Variants in KIAA1614 observed in about 807,000 individuals in gnomAD.
KIAA1614 encodes the protein uncharacterized protein KIAA1614.
KIAA1614 carries 76 observed loss-of-function variants against 88.7 expected under a neutral mutation model. The ratio of observed to expected loss-of-function variants is 0.86; its 90% confidence interval spans 0.71 to 1.04. The LOEUF (loss-of-function observed/expected upper bound fraction) is 1.04. Among genes scored for constraint, KIAA1614 ranks in the 50% least tolerant of loss-of-function variants. The pLI is 0.00. For synonymous variants in KIAA1614, 714 were observed against 675.5 expected (o/e 1.06, Z -0.88); for missense variants, 1,553 against 1,582.5 (o/e 0.98, Z 0.32).
At chr1:180,925,622 G>T (rs1320021129) in intron 3 of KIAA1614, among the ~76,000 whole-genome samples, 1 of 152,248 alleles carries the variant, frequency 6.6e-6, no homozygotes, top group Non-Finnish European at 1.5e-5. Flanking sequence ...CCAGCTGGCT[G>T]GAGGGAGAGC....
chr1:180,935,568 G>A lies in KIAA1614; in HGVS notation c.1659G>A (p.Ala553=). Residue 553 remains alanine (A), a synonymous_variant, in exon 5 of 9, where the codon GCG becomes GCA. Coordinates refer to ENST00000367588, the MANE Select transcript of KIAA1614 (RefSeq NM_020950.2). This position sits in a 1 kb window ranked among gnomAD's most constrained non-coding sequence, Gnocchi z 6.1. ...ACCCGCGCCCCGCCCAGGGGAAGGC[G>A]CCCCCCGTCCCCAGGACCCTCCAGG... is the stretch of plus-strand genomic sequence containing the variant. ...IDDPRPAQGK[A]PPVPRTLQEL... 1.9e-6 allele frequency: 3 copies of A among 1,602,730 alleles called. No individual in the cohort carries two copies. The highest frequency in any genetic ancestry group is 2.6e-6 in the Non-Finnish European group (3 of 1,174,834).
chr1:180,945,733 T>C lies in KIAA1614; in HGVS notation c.*145T>C. The C allele has an allele frequency of 7.2e-7, 1 of 1,389,280 alleles. No homozygotes were observed. The highest frequency in any genetic ancestry group is 9.2e-7 in the Non-Finnish European group (1 of 1,082,614). 86.1% of individuals were successfully genotyped at this position (1,389,280 alleles called of 1,614,324 possible). ...TAGGCAACTGCAGCTGAGAGTGCGT[T>C]GGTGGGGAGTGTGCGGGAGGGGGTA... is the stretch of plus-strand genomic sequence containing the variant. On this transcript the variant is annotated 3_prime_UTR_variant, in exon 9 of 9. Transcript: ENST00000367588.
At chr1:180,936,731 C>A in intron 5 of KIAA1614, 61 bp downstream of exon 5, 1 of 1,167,346 alleles carries the variant, frequency 8.6e-7, no homozygotes, top group South Asian at 1.6e-5. Flanking sequence ...CAGCAGACGC[C>A]CAGACCCAAT....
chr1:180,936,664 A>G lies in KIAA1614; in HGVS notation c.2755A>G (p.Arg919Gly). ...ACCGGAGCCGCCCCTGGAGAACAGC[A>G]GAGATGGTAAGGGGCTGCCGCTGGT... ...REPEPPLENSRDGGPQGFLGS... is the reference protein window; with the variant it reads ...REPEPPLENSGDGGPQGFLGS... Residue 919 changes from arginine to glycine, a missense_variant, in exon 5 of 9, where the codon AGA (arginine) becomes GGA (glycine). Coordinates refer to ENST00000367588, the MANE Select transcript of KIAA1614 (RefSeq NM_020950.2). The G allele has an allele frequency of 6.6e-7, 1 of 1,519,568 alleles. No individual in the cohort carries two copies. Among genetic ancestry groups the G allele is most frequent in the Non-Finnish European group, 8.8e-7 (1 of 1,138,044 alleles). 94.1% of individuals were successfully genotyped at this position (1,519,568 alleles called of 1,614,324 possible). A position where few individuals can be genotyped will look rare whatever the true frequency, so the allele number is the denominator to read the frequency against.
intron 8 of KIAA1614, 39 bp downstream of exon 8, chr1:180,944,555 G>A: frequency 1.2e-6 from 2 of 1,602,506 alleles, no homozygotes; most frequent in Non-Finnish European, 1.7e-6. Context: ...TAAACTCAGA[G>A]AGTGACCAGC....
chr1:180,923,131 C>T (rs1254385981), intron 3 of KIAA1614, among the ~76,000 whole-genome samples: 1 of 152,202 alleles, frequency 6.6e-6, no homozygotes, highest in African/African-American at 2.4e-5. Context: ...TTCACAAGCC[C>T]AGCTGTCCTG....
chr1:180,915,450 A>G (rs1653768730), intron 1 of KIAA1614, among the ~76,000 whole-genome samples: 1 of 152,194 alleles, frequency 6.6e-6, no homozygotes, highest in African/African-American at 2.4e-5. Context: ...GGATTGGGAA[A>G]TCACCCTGGT....
Position 180,934,266 on chromosome 1 carries a change from AAAAAG to A in KIAA1614, c.1206-829_1206-825del, listed in dbSNP as rs1210966485. Among the ~76,000 whole-genome samples, 1,033 of 115,774 alleles carry A rather than the reference AAAAAG, an allele frequency of 8.9e-3. 35 individuals carry two copies. Among genetic ancestry groups the A allele is most frequent in the Middle Eastern group, 0.018 (4 of 228 alleles). 76.0% of individuals were successfully genotyped at this position (115,774 alleles called of 152,430 possible). A position where few individuals can be genotyped will look rare whatever the true frequency, so the allele number is the denominator to read the frequency against. ...AAACTCCGTCTCAAAAAAAAAAAAA[AAAAAG>A]AAAAGAAAAGAAAAGAAAAAGAAAC... On this transcript the variant is annotated intron_variant, in intron 4 of 8. Coordinates refer to ENST00000367588, the MANE Select transcript of KIAA1614 (RefSeq NM_020950.2).
intron 3 of KIAA1614, among the ~76,000 whole-genome samples, chr1:180,926,732 C>T (rs892805953): frequency 3.3e-5 from 5 of 152,220 alleles, no homozygotes; most frequent in African/African-American, 4.8e-5. Context: ...GGCGCCTCTC[C>T]GGGCTGGTAA....
chr1:180,935,539 G>A lies in KIAA1614; in HGVS notation c.1630G>A (p.Asp544Asn), dbSNP rs779073338. The A allele has an allele frequency of 3.8e-6, 6 of 1,574,912 alleles. No individual in the cohort carries two copies. Among genetic ancestry groups the A allele is most frequent in the East Asian group, 2.3e-5 (1 of 43,560 alleles). Residue 544 changes from aspartate to asparagine, a missense_variant, in exon 5 of 9, where the codon GAC becomes AAC. Asp to Asn is a conservative substitution (Grantham distance 23). Transcript: ENST00000367588. This position sits in a 1 kb window ranked among gnomAD's most constrained non-coding sequence, Gnocchi z 6.1. ...GTGCCAGGCCTGCGGCAGCTGCATC[G>A]ACGACCCGCGCCCCGCCCAGGGGAA... The part of the protein sequence containing the change: ...RRCQACGSCI[D>N]DPRPAQGKAP...
rs533410241 is a variant in KIAA1614, at chr1:180,945,949, C to G, written c.*361C>G. 1 of 300,664 alleles carries G rather than the reference C, an allele frequency of 3.3e-6. No homozygotes were observed. Among genetic ancestry groups the G allele is most frequent in the Admixed American group, 6.3e-5 (1 of 15,866 alleles). The allele number at this position is 300,664 out of a possible 1,614,324, so 18.6% of individuals were successfully genotyped here. A position where few individuals can be genotyped will look rare whatever the true frequency, so the allele number is the denominator to read the frequency against. On this transcript the variant is annotated 3_prime_UTR_variant, in exon 9 of 9. Transcript: ENST00000367588. ...GTGAAACCCATGTCTACTAAAAATACAAAATTAGCTGGGCGTGGTGGCGCA... is the reference window on the plus strand; with the variant it reads ...GTGAAACCCATGTCTACTAAAAATAGAAAATTAGCTGGGCGTGGTGGCGCA...
chr1:180,939,199 C>T (rs1654399861), intron 6 of KIAA1614, among the ~76,000 whole-genome samples: 1 of 152,150 alleles, frequency 6.6e-6, no homozygotes, highest in Admixed American at 6.5e-5. Context: ...TTGGTGAGCC[C>T]GGAGTTCTGG....
In KIAA1614 at chr1:180,916,701, G is replaced by C. The variant is rs866203276; in HGVS notation, c.598G>C (p.Gly200Arg). 6.2e-7 allele frequency: 1 copy of C among 1,612,006 alleles called. No homozygotes were observed. Among genetic ancestry groups the C allele is most frequent in the Non-Finnish European group, 8.5e-7 (1 of 1,178,812 alleles). Residue 200 changes from glycine (G) to arginine (R), a missense_variant, in exon 2 of 9, where the codon GGT becomes CGT. By Grantham distance (125) the Gly-to-Arg change is moderately radical. Transcript: ENST00000367588. Reference protein sequence around the residue: ...AEWTLPDHDRGPLLGPSSLQQ... With the variant: ...AEWTLPDHDRRPLLGPSSLQQ... ...ATGGACACTTCCTGACCATGACAGA[G>C]GTCCGCTGCTGGGGCCCAGCTCTTT...
intron 4 of KIAA1614, among the ~76,000 whole-genome samples, chr1:180,931,913 TG>T (rs1654205231): frequency 6.6e-6 from 1 of 152,078 alleles, no homozygotes; most frequent in South Asian, 2.1e-4. Flanking sequence ...AATCTCCCTG[TG>T]GGCCTTTGCC....
intron 4 of KIAA1614, among the ~76,000 whole-genome samples, chr1:180,932,784 G>T (rs1249853402): frequency 6.9e-6 from 1 of 145,154 alleles, no homozygotes; most frequent in African/African-American, 2.6e-5. Context: ...GCAGCACTCA[G>T]TATGGAGTGT....
In KIAA1614 at chr1:180,950,348, G is replaced by A. The variant is rs768011223; in HGVS notation, c.*4760G>A. ...CCTGTTTTCCTCTGCAGGGATCTAC[G>A]TGCAGGAGATGGCTGACATGAGCAT... On this transcript the variant is annotated 3_prime_UTR_variant, in exon 9 of 9. Coordinates refer to ENST00000367588, the MANE Select transcript of KIAA1614 (RefSeq NM_020950.2). The A allele has an allele frequency of 2.2e-5, 27 of 1,214,762 alleles. No individual in the cohort carries two copies. The East Asian group carries it at 3.1e-4, about 14-fold the overall frequency. 75.2% of individuals were successfully genotyped at this position (1,214,762 alleles called of 1,614,324 possible). A position where few individuals can be genotyped will look rare whatever the true frequency, so the allele number is the denominator to read the frequency against.
Position 180,944,431 on chromosome 1 carries a change from A to G in KIAA1614, c.3202A>G (p.Asn1068Asp), listed in dbSNP as rs748504315. The G allele has an allele frequency of 4.2e-5, 67 of 1,613,962 alleles. 1 individual carries two copies. In the South Asian group the frequency reaches 6.7e-4, roughly 16 times the overall value. The change falls in exon 8 of 9, where the codon AAC becomes GAC. Residue 1068 changes from asparagine to aspartate, a missense_variant. Coordinates refer to ENST00000367588, the MANE Select transcript of KIAA1614 (RefSeq NM_020950.2). ...GCGTCGGAAAGCTGCCTCTTTTCAG[A>G]ACCTCCATTCTCTGCTGAGCAGCAA... ...HQRRKAASFQ[N>D]LHSLLSSKGN... is the part of the protein sequence containing the mutation.
At chr1:180,915,541 A>C (rs1159612108) in intron 1 of KIAA1614, among the ~76,000 whole-genome samples, 1 of 152,248 alleles carries the variant, frequency 6.6e-6, no homozygotes, top group African/African-American at 2.4e-5. Context: ...GGGGATAGAA[A>C]AACTAGAACA....
At chr1:180,941,925 A>G (rs1031702598) in intron 7 of KIAA1614, among the ~76,000 whole-genome samples, 8 of 152,066 alleles carry the variant, frequency 5.3e-5, no homozygotes, top group African/African-American at 1.9e-4. Flanking sequence ...ACACAGTCTG[A>G]CTTCGAACCT....
Sources: gnomAD v4.1 joint callset for allele counts (sites outside exome capture counted in the v4.1 genomes callset) on GRCh38, gnomAD v4.1.1 for gene constraint, Gnocchi (gnomAD v3.1) non-coding constraint, MANE v1.5 for transcripts, NCBI Gene and HGNC (gene_info 2026-07-23, HGNC 2026-07-21) for gene names.